NEDD4L: variants seen among roughly 807,000 people sequenced by gnomAD.
NEDD4L encodes the protein E3 ubiquitin-protein ligase NEDD4-like.
Under a neutral mutation model 148.9 loss-of-function variants are expected in NEDD4L, and 54 were observed. The ratio of observed to expected loss-of-function variants is 0.36; its 90% CI spans 0.29 to 0.45. The LOEUF is 0.45. Ranked by LOEUF, NEDD4L falls within the 20% of genes least tolerant of loss-of-function variation. The pLI is 1.00. For missense variants in NEDD4L, 856 were observed against 1,233.8 expected (o/e 0.69, Z 4.59); for synonymous variants, 433 against 440.7 (o/e 0.98, Z 0.22).
intron 2 of NEDD4L, among the ~76,000 whole-genome samples, chr18:58,240,633 T>C (rs148250912): frequency 4.1e-4 from 63 of 152,298 alleles, no homozygotes; most frequent in African/African-American, 1.4e-3. Flanking sequence ...CACCTTTGGA[T>C]GAGTAGTCAG....
At chr18:58,142,284 G>T (rs186830474) in intron 1 of NEDD4L, among the ~76,000 whole-genome samples, 50 of 151,706 alleles carry the variant, frequency 3.3e-4, no homozygotes, top group Admixed American at 2.2e-3. Context: ...TTTTGACATC[G>T]TGATCCACCT....
chr18:58,297,312 G>A (rs2055775825), intron 5 of NEDD4L, among the ~76,000 whole-genome samples: 1 of 152,176 alleles, frequency 6.6e-6, no homozygotes, highest in South Asian at 2.1e-4. Flanking sequence ...ATGGACGAGA[G>A]TGTCAAAAAA....
At chr18:58,110,738 T>A (rs537127560) in intron 1 of NEDD4L, among the ~76,000 whole-genome samples, 1 of 152,380 alleles carries the variant, frequency 6.6e-6, no homozygotes, top group East Asian at 1.9e-4. Context: ...CAAGTTTTTG[T>A]GTAAGAGACC....
intron 1 of NEDD4L, among the ~76,000 whole-genome samples, chr18:58,108,988 A>G (rs1477823404): frequency 6.6e-6 from 1 of 152,242 alleles, no homozygotes. Context: ...ATGCTATGCA[A>G]GAAGGTAGAA....
intron 1 of NEDD4L, among the ~76,000 whole-genome samples, chr18:58,102,976 C>CATTTGTTTTGAGCCTTTGTTTG (rs1426816606): frequency 6.6e-6 from 1 of 152,018 alleles, no homozygotes; most frequent in Non-Finnish European, 1.5e-5. Flanking sequence ...ATGCTCAAAA[C>CATTTGTTTTGAGCCTTTGTTTG]CAGCTTGTGA....
chr18:58,161,522 G>T (rs1173020469), intron 1 of NEDD4L, among the ~76,000 whole-genome samples: 1 of 148,030 alleles, frequency 6.8e-6, no homozygotes, highest in African/African-American at 2.5e-5. Context: ...TCAGTCCAAA[G>T]AAATGATTCA....
intron 2 of NEDD4L, among the ~76,000 whole-genome samples, chr18:58,225,518 T>G (rs1407016374): frequency 1.3e-5 from 2 of 152,254 alleles, no homozygotes; most frequent in Non-Finnish European, 2.9e-5. Context: ...TGCTTCTTAT[T>G]TTTTAAGAAA....
intron 2 of NEDD4L, among the ~76,000 whole-genome samples, chr18:58,217,600 C>T (rs1407934552): frequency 1.3e-5 from 2 of 152,144 alleles, no homozygotes; most frequent in Non-Finnish European, 2.9e-5. Context: ...CTTAGCCCCA[C>T]GAGTAGCTGG....
intron 5 of NEDD4L, among the ~76,000 whole-genome samples, chr18:58,303,946 A>G (rs541425655): frequency 3.3e-5 from 5 of 152,322 alleles, no homozygotes; most frequent in African/African-American, 1.2e-4. Flanking sequence ...AGTTGCCCAA[A>G]GATGGAATGG....
intron 2 of NEDD4L, among the ~76,000 whole-genome samples, chr18:58,173,604 G>A (rs1476861512): frequency 3.9e-5 from 6 of 152,160 alleles, no homozygotes. Context: ...CTTTACCTAG[G>A]TTTAAGTTGT....
intron 17 of NEDD4L, among the ~76,000 whole-genome samples, chr18:58,350,299 C>A (rs2043713065): frequency 6.6e-6 from 1 of 152,134 alleles, no homozygotes; most frequent in South Asian, 2.1e-4. Flanking sequence ...TTGGAGGCTG[C>A]GAAGGTTAAG....
At chr18:58,185,000 C>T in intron 2 of NEDD4L, among the ~76,000 whole-genome samples, 1 of 152,142 alleles carries the variant, frequency 6.6e-6, no homozygotes, top group South Asian at 2.1e-4. Context: ...CAGGACCTAA[C>T]CCTGCGAGGG....
chr18:58,322,369 TA>T, intron 6 of NEDD4L, 55 bp from the exon 7 acceptor site: 1 of 1,239,056 alleles, frequency 8.1e-7, no homozygotes, highest in Non-Finnish European at 1.2e-6. Context: ...TGCCTGTATC[TA>T]AAACATGAAA....
At chr18:58,095,319 C>T (rs544148349) in intron 1 of NEDD4L, among the ~76,000 whole-genome samples, 3 of 152,296 alleles carry the variant, frequency 2.0e-5, no homozygotes, top group Admixed American at 6.5e-5. Flanking sequence ...GCCAGGTGCT[C>T]GCTCTGGGAA....
In NEDD4L at chr18:58,127,873, T is replaced by C. The variant is rs2031416112; in HGVS notation, c.49-37915T>C. Among the ~76,000 whole-genome samples, 7 of 151,114 alleles carry C rather than the reference T, an allele frequency of 4.6e-5. 1 individual carries two copies. Among genetic ancestry groups the C allele is most frequent in the Admixed American group, 4.6e-4 (7 of 15,200 alleles). On this transcript the variant is annotated intron_variant, in intron 1 of 30. Coordinates refer to ENST00000400345, the MANE Select transcript of NEDD4L (RefSeq NM_001144967.3). ...AAAAAAAAAAAAGAATCAACATTTA[T>C]TTATTTATTATTTATTTTTTTGAGA...
rs374315075 is a variant in NEDD4L, at chr18:58,256,685, A to G, written c.297+4631A>G. Reference sequence around the variant, plus strand: ...GAACGCGGGGCAGCAGCATTTTAGAATTCTTGTAACCCGGGGGCCGGAAGA... The same window carrying G: ...GAACGCGGGGCAGCAGCATTTTAGAGTTCTTGTAACCCGGGGGCCGGAAGA... On this transcript the variant is annotated intron_variant, in intron 5 of 30. Coordinates refer to ENST00000400345, the MANE Select transcript of NEDD4L (RefSeq NM_001144967.3). This position sits in a 1 kb window ranked among gnomAD's most constrained non-coding sequence, Gnocchi z 5.2. The G allele has an allele frequency of 6.5e-6, 8 of 1,232,070 alleles. 1 individual carries two copies. In the South Asian group the frequency reaches 3.3e-4, roughly 51 times the overall value. The allele number at this position is 1,232,070 out of a possible 1,614,324, so 76.3% of individuals were successfully genotyped here.
rs1600303886 is a variant in NEDD4L at position 58,256,086 on chromosome 18, A to G, written c.297+4032A>G. ...GGCTCCCGGGAGCCCTCGCCGAGGG[A>G]CACCCCCGGGAGCTCCCCTCCGAGG... On this transcript the variant is annotated intron_variant, in intron 5 of 30. Transcript: ENST00000400345. This position sits in a 1 kb window ranked among gnomAD's most constrained non-coding sequence, Gnocchi z 5.2. 2 of 1,227,784 alleles carry G rather than the reference A, an allele frequency of 1.6e-6. No homozygotes were observed. Among genetic ancestry groups the G allele is most frequent in the East Asian group, 3.2e-5 (1 of 31,292 alleles). The allele number at this position is 1,227,784 out of a possible 1,614,324, so 76.1% of individuals were successfully genotyped here.
intron 1 of NEDD4L, among the ~76,000 whole-genome samples, chr18:58,112,179 C>T (rs2085463235): frequency 6.6e-6 from 1 of 152,156 alleles, no homozygotes; most frequent in Non-Finnish European, 1.5e-5. Context: ...CATTACCAGA[C>T]CTACATTCTC....
At chr18:58,361,850 A>G (rs2045530090) in intron 19 of NEDD4L, among the ~76,000 whole-genome samples, 1 of 151,742 alleles carries the variant, frequency 6.6e-6, no homozygotes, top group Non-Finnish European at 1.5e-5. Context: ...GACATTCGAG[A>G]TTTTCAAGTG....
Sources: gnomAD v4.1 joint callset for allele counts (sites outside exome capture counted in the v4.1 genomes callset) on GRCh38, gnomAD v4.1.1 for gene constraint, Gnocchi (gnomAD v3.1) non-coding constraint, MANE v1.5 for transcripts, NCBI Gene and HGNC (gene_info 2026-07-23, HGNC 2026-07-21) for gene names.